Variants in RAP1A observed in about 807,000 individuals in gnomAD.
RAP1A encodes the protein RAP1A, member of RAS oncogene family.
Under a neutral mutation model 26.4 loss-of-function variants are expected in RAP1A, and 6 were observed. The ratio of observed to expected loss-of-function variants is 0.23; its 90% CI spans 0.12 to 0.45. RAP1A has a LOEUF of 0.45. Ranked by LOEUF, RAP1A falls within the 20% of genes least tolerant of loss-of-function variation. RAP1A has a pLI of 0.99. For synonymous variants in RAP1A, 73 were observed against 79.4 expected, an observed-to-expected ratio of 0.92 and a Z score of 0.43; for missense variants, 121 against 217.2, an observed-to-expected ratio of 0.56 and a Z score of 2.78.
intron 1 of RAP1A, among the ~76,000 whole-genome samples, chr1:111,662,380 G>A (rs1023561763): frequency 1.3e-4 from 16 of 127,764 alleles, no homozygotes; most frequent in Non-Finnish European, 4.7e-5. Context: ...GGGCGAAAGA[G>A]CGAGACTCCA....
At chr1:111,704,003 A>G (rs1194094092) in intron 5 of RAP1A, among the ~76,000 whole-genome samples, 5 of 152,050 alleles carry the variant, frequency 3.3e-5, no homozygotes, top group African/African-American at 9.7e-5. Context: ...AGGTCTCACT[A>G]TGTTACCCAG....
At chr1:111,706,104 G>C (rs757578615) in intron 6 of RAP1A, among the ~76,000 whole-genome samples, 9 of 151,968 alleles carry the variant, frequency 5.9e-5, no homozygotes, top group Non-Finnish European at 1.2e-4. Flanking sequence ...TATAAACGAG[G>C]GTTTATAAAA....
chr1:111,629,424 TA>T (rs1306853628), intron 1 of RAP1A, among the ~76,000 whole-genome samples: 1 of 152,144 alleles, frequency 6.6e-6, no homozygotes, highest in Non-Finnish European at 1.5e-5. Context: ...TTTTGACTGA[TA>T]AGTAAACTCA....
At chr1:111,709,550 G>A (rs777563195) in intron 7 of RAP1A, among the ~76,000 whole-genome samples, 39 of 152,010 alleles carry the variant, frequency 2.6e-4, no homozygotes, top group Admixed American at 2.3e-3. Flanking sequence ...TGAATAGAAC[G>A]CCTTCCTAGA....
Position 111,714,755 on chromosome 1 carries a change from TTAG to T in RAP1A, c.*2356_*2358del, listed in dbSNP as rs1344384452. The T allele has an allele frequency of 6.6e-6, 1 of 152,244 alleles. No homozygotes were observed. The highest frequency in any genetic ancestry group is 1.5e-5 in the Non-Finnish European group (1 of 68,050). 9.4% of individuals were successfully genotyped at this position (152,244 alleles called of 1,614,324 possible). On this transcript the variant is annotated 3_prime_UTR_variant, in exon 8 of 8. Transcript: ENST00000369709. ...TTTATATTGTCCTAATGTGAACTCC[TTAG>T]TCTTGGTTCCAAAGGGAAGGGTACC...
At chr1:111,600,700 C>A (rs534336416) in intron 1 of RAP1A, among the ~76,000 whole-genome samples, 1 of 152,286 alleles carries the variant, frequency 6.6e-6, no homozygotes, top group Non-Finnish European at 1.5e-5. Context: ...GGTCTGAGAA[C>A]CACTGGTGCC....
At chr1:111,586,264 G>T (rs1239221159) in intron 1 of RAP1A, among the ~76,000 whole-genome samples, 1 of 152,086 alleles carries the variant, frequency 6.6e-6, no homozygotes, top group Non-Finnish European at 1.5e-5. Context: ...TAACTGAATG[G>T]AAGTCGTGAC....
chr1:111,575,307 C>T (rs759402851), intron 1 of RAP1A, among the ~76,000 whole-genome samples: 1 of 152,168 alleles, frequency 6.6e-6, no homozygotes, highest in African/African-American at 2.4e-5. Context: ...GCATGCATCA[C>T]CACACTCAGC....
chr1:111,686,155 A>T (rs1557891864), intron 1 of RAP1A, among the ~76,000 whole-genome samples: 1 of 152,174 alleles, frequency 6.6e-6, no homozygotes, highest in Admixed American at 6.5e-5. Flanking sequence ...GGATAGCATT[A>T]GGAGAAATAC....
At chr1:111,573,302 G>A (rs755735366) in intron 1 of RAP1A, among the ~76,000 whole-genome samples, 4 of 152,108 alleles carry the variant, frequency 2.6e-5, no homozygotes, top group Admixed American at 1.3e-4. Context: ...GGCTCTTTGA[G>A]GATCTGCCAC....
Position 111,714,256 on chromosome 1 carries a change from A to G in RAP1A, c.*1855A>G, listed in dbSNP as rs1372616915. 1 of 152,172 alleles carries G rather than the reference A, an allele frequency of 6.6e-6. No homozygotes were observed. The highest frequency in any genetic ancestry group is 1.5e-5 in the Non-Finnish European group (1 of 68,024). 9.4% of individuals were successfully genotyped at this position (152,172 alleles called of 1,614,324 possible). On this transcript the variant is annotated 3_prime_UTR_variant, in exon 8 of 8. Coordinates refer to ENST00000369709, the MANE Select transcript of RAP1A (RefSeq NM_002884.4). Reference sequence around the variant, plus strand: ...GGGGCCAAAACTATAGCGAACTTGAATGAAGTATTAGGGCCAGTTGTCAGG... The same window carrying G: ...GGGGCCAAAACTATAGCGAACTTGAGTGAAGTATTAGGGCCAGTTGTCAGG...
upstream of RAP1A, among the ~76,000 whole-genome samples, chr1:111,617,125 A>G (rs563125024): frequency 1.3e-5 from 2 of 152,154 alleles, no homozygotes; most frequent in Non-Finnish European, 2.9e-5. Context: ...AGCAATCAGA[A>G]AAGTACCCCT....
chr1:111,555,489 A>C (rs992046189), intron 1 of RAP1A, among the ~76,000 whole-genome samples: 1 of 151,972 alleles, frequency 6.6e-6, no homozygotes, highest in African/African-American at 2.4e-5. Flanking sequence ...TAAATAGTAG[A>C]CTCACCCAGA....
At chr1:111,704,264 G>C (rs907427585) in intron 5 of RAP1A, 79 bp from the exon 6 acceptor site, 1 of 1,454,418 alleles carries the variant, frequency 6.9e-7, no homozygotes. Context: ...GTTGGTGGCA[G>C]ATAATTGCTT....
chr1:111,660,976 C>A (rs920691772), intron 1 of RAP1A, among the ~76,000 whole-genome samples: 2 of 152,206 alleles, frequency 1.3e-5, no homozygotes, highest in Admixed American at 6.5e-5. Context: ...AACCTACATG[C>A]CATATGGACT....
intron 1 of RAP1A, among the ~76,000 whole-genome samples, chr1:111,549,309 C>CTTTTTT (rs767231547): frequency 8.0e-6 from 1 of 125,590 alleles, no homozygotes; most frequent in African/African-American, 2.9e-5. Flanking sequence ...CAGTCATGGG[C>CTTTTTT]TTTTTTTTTT....
At chr1:111,690,477 C>T (rs1661635532) in intron 1 of RAP1A, among the ~76,000 whole-genome samples, 1 of 152,252 alleles carries the variant, frequency 6.6e-6, no homozygotes, top group South Asian at 2.1e-4. Flanking sequence ...TTTCTCCCTT[C>T]ACCACAGTCT....
intron 1 of RAP1A, among the ~76,000 whole-genome samples, chr1:111,689,141 T>C (rs566102751): frequency 4.7e-4 from 72 of 152,292 alleles, no homozygotes; most frequent in African/African-American, 1.7e-3. Context: ...TGGCCAGATA[T>C]ATCAGTTTTA....
chr1:111,562,579 A>C (rs1657782935), intron 1 of RAP1A, among the ~76,000 whole-genome samples: 1 of 152,242 alleles, frequency 6.6e-6, no homozygotes, highest in Non-Finnish European at 1.5e-5. Context: ...TGCTTGTCCC[A>C]TACTTGTGTC....
Sources: allele counts gnomAD v4.1 joint callset (sites outside exome capture counted in the v4.1 genomes callset), GRCh38; gene constraint gnomAD v4.1.1; transcripts MANE v1.5; gene names NCBI Gene and HGNC (gene_info 2026-07-23, HGNC 2026-07-21).